The following SPDL1 variants were observed in gnomAD, a reference collection of about 807,000 sequenced individuals.
SPDL1 encodes the protein spindle apparatus coiled-coil protein 1.
In SPDL1, 85 loss-of-function variants were observed where a neutral mutation model predicts 79.5. The observed-to-expected ratio is 1.07, with a 90% CI of 0.90 to 1.28. SPDL1 has a LOEUF of 1.28. SPDL1 is among the 50% of genes most tolerant of loss of function. SPDL1 has a pLI of 0.00. For synonymous variants in SPDL1, 269 were observed against 240.3 expected (o/e 1.12, Z -1.10); for missense variants, 703 against 697.8 (o/e 1.01, Z -0.08).
At chr5:169,599,206 G>A (rs1755760212) in intron 10 of SPDL1, 47 bp downstream of exon 10, 2 of 1,184,692 alleles carry the variant, frequency 1.7e-6, no homozygotes, top group Non-Finnish European at 2.3e-6. Flanking sequence ...TGAGTAACCT[G>A]AAATTATATC....
Position 169,598,537 on chromosome 5 carries a change from C to T in SPDL1, c.1094C>T (p.Thr365Ile), listed in dbSNP as rs1219817773. 17 of 1,612,810 alleles carry T rather than the reference C, an allele frequency of 1.1e-5. No homozygotes were observed. Among genetic ancestry groups the T allele is most frequent in the Non-Finnish European group, 1.4e-5 (16 of 1,179,178 alleles). Residue 365 changes from threonine (T) to isoleucine (I), a missense_variant, in exon 9 of 12, where the codon ACC becomes ATC. By Grantham distance (89) the Thr-to-Ile change is moderately conservative. Transcript: ENST00000265295. ...GACTCTGGTACTCTGGAAGATAACA[C>T]CTATTATACAGATTTACTTCAGATG... ...SVDSGTLEDN[T>I]YYTDLLQMKL...
chr5:169,596,325 T>C, intron 7 of SPDL1: 1 of 422,214 alleles, frequency 2.4e-6, no homozygotes, highest in Non-Finnish European at 4.2e-6. Context: ...GTTTTATGTT[T>C]CACAAAAGTA....
chr5:169,590,918 C>A, intron 2 of SPDL1, 130 bp from the exon 3 acceptor site: 1 of 827,238 alleles, frequency 1.2e-6, no homozygotes, highest in Non-Finnish European at 2.0e-6. Flanking sequence ...CCAGGTTTAA[C>A]ATGTCTTCGT....
intron 1 of SPDL1, among the ~76,000 whole-genome samples, chr5:169,586,716 A>G (rs1321392320): frequency 6.6e-6 from 1 of 152,130 alleles, no homozygotes; most frequent in Non-Finnish European, 1.5e-5. Flanking sequence ...AATCATATTG[A>G]CCTTACCTTC....
At chr5:169,593,694 T>G (rs1457942423) in intron 4 of SPDL1, 146 bp downstream of exon 4, 8 of 683,876 alleles carry the variant, frequency 1.2e-5, no homozygotes, top group South Asian at 9.5e-5. Context: ...AAAAAATGGG[T>G]TTTTTTTAGG....
At chr5:169,593,123 TG>T (rs1006234370) in intron 3 of SPDL1, among the ~76,000 whole-genome samples, 1 of 152,150 alleles carries the variant, frequency 6.6e-6, no homozygotes, top group Non-Finnish European at 1.5e-5. Context: ...CGCATCATAG[TG>T]CCTCCAGATT....
At chr5:169,596,150 G>A (rs1755568567) in intron 7 of SPDL1, 1 of 157,726 alleles carries the variant, frequency 6.3e-6, no homozygotes, top group Non-Finnish European at 1.4e-5. Context: ...ATTTGTGGCT[G>A]TCAGTAGCTT....
intron 4 of SPDL1, 42 bp from the exon 5 acceptor site, chr5:169,594,102 AT>A (rs774814762): frequency 6.5e-7 from 1 of 1,529,612 alleles, no homozygotes; most frequent in Non-Finnish European, 8.9e-7. Context: ...CAAATGAAAG[AT>A]TATTCAAGAG....
chr5:169,587,475 T>C (rs1755047150), intron 1 of SPDL1: 2 of 152,210 alleles, frequency 1.3e-5, no homozygotes, highest in Non-Finnish European at 2.9e-5. Flanking sequence ...TAAGTCTTTG[T>C]TTATAAATCT....
rs730882228 is a variant in SPDL1 at position 169,604,101 on chromosome 5, GAAAAGAAACTTCAAGCAAATTGGA to G, written c.1724_1747del (p.Ser575_Thr582del). 7 of 1,613,062 alleles carry G rather than the reference GAAAAGAAACTTCAAGCAAATTGGA, an allele frequency of 4.3e-6. No individual in the cohort carries two copies. Among genetic ancestry groups the G allele is most frequent in the African/African-American group, 1.3e-5 (1 of 74,920 alleles). ...AAGCTTCAAACAGAAGTTAAAGAAG[GAAAAGAAACTTCAAGCAAATTGGA>G]AAAAGAAACTTGTAAGAAATTACAC... On this transcript the variant is annotated inframe_deletion, in exon 12 of 12. Coordinates refer to ENST00000265295, the MANE Select transcript of SPDL1 (RefSeq NM_017785.5).
chr5:169,601,845 A>ACAT (rs1423742655), intron 11 of SPDL1: 2 of 625,962 alleles, frequency 3.2e-6, no homozygotes, highest in Non-Finnish European at 5.7e-6. Context: ...CACATTAAAA[A>ACAT]GTTACACGTT....
chr5:169,592,208 T>TG lies in SPDL1; in HGVS notation c.336+984_336+985insG, dbSNP rs1255395825. On this transcript the variant is annotated intron_variant, in intron 3 of 11. Coordinates refer to ENST00000265295, the MANE Select transcript of SPDL1 (RefSeq NM_017785.5). ...TAAGAAACATCAATGAAAGTATTTT[T>TG]TTTTCCTTTTTTTTTTTTTTTTTTT... Among the ~76,000 whole-genome samples, 8 of 132,938 alleles carry TG rather than the reference T, an allele frequency of 6.0e-5. No homozygotes were observed. In the Admixed American group the frequency reaches 6.6e-4, roughly 11 times the overall value. The allele number at this position is 132,938 out of a possible 152,430, so 87.2% of individuals were successfully genotyped here. A position where few individuals can be genotyped will look rare whatever the true frequency, so the allele number is the denominator to read the frequency against.
chr5:169,598,585 T>G lies in SPDL1; in HGVS notation c.1136+6T>G. On this transcript the variant is annotated splice_donor_region_variant and intron_variant, in intron 9 of 11. Transcript: ENST00000265295. ...ATGAAGCTGGATAACTTAAAGTAAG[T>G]GTCTGGGTTGGTGGATGGAAAGATG... 1 of 1,590,772 alleles carries G rather than the reference T, an allele frequency of 6.3e-7. No individual in the cohort carries two copies.
intron 3 of SPDL1, 136 bp from the exon 4 acceptor site, chr5:169,593,218 A>G (rs1381978684): frequency 1.7e-5 from 12 of 698,876 alleles, no homozygotes; most frequent in South Asian, 1.5e-4. Flanking sequence ...AGCTGTTAAA[A>G]GATGCCTAAC....
chr5:169,598,941 A>G, intron 9 of SPDL1, 31 bp from the exon 10 acceptor site: 1 of 1,513,846 alleles, frequency 6.6e-7, no homozygotes, highest in Non-Finnish European at 8.8e-7. Context: ...CTGTCTTAAT[A>G]CTCGTTGGTT....
chr5:169,602,782 A>G (rs996327295), intron 11 of SPDL1, among the ~76,000 whole-genome samples: 2 of 152,226 alleles, frequency 1.3e-5, no homozygotes, highest in Admixed American at 1.3e-4. Flanking sequence ...AAAGCTTACC[A>G]TTCTTAAGGA....
At chr5:169,590,402 T>C (rs1316252857) in intron 2 of SPDL1, among the ~76,000 whole-genome samples, 1 of 152,254 alleles carries the variant, frequency 6.6e-6, no homozygotes, top group African/African-American at 2.4e-5. Context: ...TTAATACTCT[T>C]TGTCTTCCTT....
Position 169,604,501 on chromosome 5 carries a change from A to C in SPDL1, c.*294A>C, listed in dbSNP as rs1037059720. 1.7e-5 allele frequency: 3 copies of C among 180,280 alleles called. No homozygotes were observed. The highest frequency in any genetic ancestry group is 4.7e-5 in the African/African-American group (2 of 42,808). The allele number at this position is 180,280 out of a possible 1,614,324, so 11.2% of individuals were successfully genotyped here. The stretch of plus-strand genomic sequence containing the variant: ...GCATTGTATATGGATTAAATGATAA[A>C]AAACAAGTAATCTACCCTCAGAGCC... On this transcript the variant is annotated 3_prime_UTR_variant, in exon 12 of 12. Transcript: ENST00000265295.
intron 3 of SPDL1, among the ~76,000 whole-genome samples, chr5:169,592,238 G>T (rs1755329280): frequency 8.5e-6 from 1 of 117,176 alleles, no homozygotes; most frequent in Admixed American, 9.2e-5. Flanking sequence ...TTTTTTTGAG[G>T]CAGAGTCTCA....
Sources: allele counts gnomAD v4.1 joint callset (sites outside exome capture counted in the v4.1 genomes callset), GRCh38; gene constraint gnomAD v4.1.1; transcripts MANE v1.5; gene names NCBI Gene and HGNC (gene_info 2026-07-23, HGNC 2026-07-21).